Variants in PDE6A observed in about 807,000 individuals in gnomAD.
PDE6A encodes phosphodiesterase 6A, also known as rod cGMP-specific 3',5'-cyclic phosphodiesterase subunit alpha.
PDE6A carries 84 observed loss-of-function variants against 106.3 expected under a neutral mutation model. That is an observed-to-expected ratio of 0.79 (90% CI 0.66 to 0.95). The LOEUF is 0.95. Ranked by LOEUF, PDE6A falls within the 40% of genes least tolerant of loss-of-function variation. PDE6A has a pLI of 0.00. For synonymous variants in PDE6A, 394 were observed against 386.6 expected (o/e 1.02, Z -0.23); for missense variants, 1,052 against 1,084.9 (o/e 0.97, Z 0.43).
At position 149,896,714 on chromosome 5, in the gene PDE6A, G is replaced by A; in HGVS notation, c.1470C>T (p.Ile490=). 9.3e-6 allele frequency: 15 copies of A among 1,614,052 alleles called. No homozygotes were observed. The highest frequency in any genetic ancestry group is 1.3e-5 in the Non-Finnish European group (15 of 1,180,010). The change falls in exon 11 of 22, where the codon ATC becomes ATT. Residue 490 remains isoleucine, a synonymous_variant. Transcript: ENST00000255266. The part of the protein sequence containing the change: ...WECEEEELAE[I]LQAELPDADK... ...GTGCTGCCCCGGTTCAGCTCACCAG[G>A]ATCTCAGCCAGCTCCTCTTCCTCAC...
chr5:149,899,291 C>G, intron 9 of PDE6A, 84 bp downstream of exon 9: 1 of 1,383,760 alleles, frequency 7.2e-7, no homozygotes, highest in South Asian at 1.2e-5. Flanking sequence ...GTTGCTGCCC[C>G]ATGTGATAGC....
chr5:149,871,968 G>A (rs1253352245), intron 17 of PDE6A, among the ~76,000 whole-genome samples: 3 of 152,204 alleles, frequency 2.0e-5, no homozygotes, highest in Non-Finnish European at 4.4e-5. Flanking sequence ...AGAGGTGTCA[G>A]GATGGAACAG....
At chr5:149,938,924 G>GT (rs1754256186) in intron 1 of PDE6A, among the ~76,000 whole-genome samples, 1 of 152,090 alleles carries the variant, frequency 6.6e-6, no homozygotes, top group Admixed American at 6.6e-5. Context: ...CATTTCTCAG[G>GT]TTTTTGGAGG....
At chr5:149,865,221 C>CA (rs1188754465) in intron 20 of PDE6A, among the ~76,000 whole-genome samples, 1 of 134,308 alleles carries the variant, frequency 7.4e-6, no homozygotes, top group Non-Finnish European at 1.5e-5. Flanking sequence ...ACCTGGGTGA[C>CA]AGAGTGAGAT....
chr5:149,894,440 C>T (rs1752656300), intron 13 of PDE6A, among the ~76,000 whole-genome samples: 1 of 152,058 alleles, frequency 6.6e-6, no homozygotes, highest in Admixed American at 6.5e-5. Context: ...GCAAACTTTT[C>T]TATTTCAAGG....
chr5:149,943,467 G>A (rs1407495062), intron 1 of PDE6A, among the ~76,000 whole-genome samples: 1 of 152,068 alleles, frequency 6.6e-6, no homozygotes, highest in African/African-American at 2.4e-5. Flanking sequence ...CCCCCACAGT[G>A]CACTACCACA....
intron 13 of PDE6A, 87 bp downstream of exon 13, chr5:149,895,096 C>G: frequency 2.4e-6 from 2 of 822,162 alleles, no homozygotes; most frequent in South Asian, 2.7e-5. Flanking sequence ...GAAAGAAGAA[C>G]AACGCTGTTG....
At chr5:149,864,959 G>C (rs1244431972) in intron 20 of PDE6A, among the ~76,000 whole-genome samples, 1 of 152,186 alleles carries the variant, frequency 6.6e-6, no homozygotes, top group Non-Finnish European at 1.5e-5. Flanking sequence ...CATTCCCTCA[G>C]CTGGGCACCA....
At chr5:149,884,919 A>C in intron 14 of PDE6A, 52 bp from the exon 15 acceptor site, 3 of 1,378,300 alleles carry the variant, frequency 2.2e-6, no homozygotes, top group Non-Finnish European at 3.1e-6. Flanking sequence ...GAAAATTAGG[A>C]CTAAACATCA....
intron 4 of PDE6A, among the ~76,000 whole-genome samples, chr5:149,928,212 T>TATATATATATATAC (rs1207253680): frequency 2.4e-5 from 1 of 41,824 alleles, no homozygotes; most frequent in African/African-American, 2.1e-4. Context: ...GTATGTGCTA[T>TATATATATATATAC]ATATATATAT....
intron 13 of PDE6A, among the ~76,000 whole-genome samples, chr5:149,889,721 C>T (rs1411163336): frequency 6.6e-6 from 1 of 152,008 alleles, no homozygotes; most frequent in East Asian, 2.0e-4. Context: ...GCCTCGGCAA[C>T]ATGGTGAAAT....
chr5:149,881,779 C>T (rs557447027), intron 17 of PDE6A, among the ~76,000 whole-genome samples: 5 of 152,060 alleles, frequency 3.3e-5, no homozygotes, highest in Non-Finnish European at 5.9e-5. Flanking sequence ...TGTGGCTGGA[C>T]GTGGTGGCTC....
At chr5:149,889,073 C>T (rs1752439688) in intron 13 of PDE6A, among the ~76,000 whole-genome samples, 1 of 56,624 alleles carries the variant, frequency 1.8e-5, no homozygotes, top group African/African-American at 1.4e-4. Flanking sequence ...CAGAGTGAGA[C>T]TCTGTCTCAA....
chr5:149,869,523 G>A (rs1238247110), intron 17 of PDE6A, among the ~76,000 whole-genome samples: 7 of 152,188 alleles, frequency 4.6e-5, no homozygotes, highest in Non-Finnish European at 8.8e-5. Flanking sequence ...GGGAGCAAGG[G>A]GGGTGGATTT....
intron 17 of PDE6A, 52 bp from the exon 18 acceptor site, chr5:149,868,210 T>C (rs1253769887): frequency 6.5e-7 from 1 of 1,530,064 alleles, no homozygotes; most frequent in African/African-American, 1.4e-5. Flanking sequence ...AGACTTCATG[T>C]ACTGGTTAAT....
At chr5:149,942,246 A>C (rs1410050695) in intron 1 of PDE6A, among the ~76,000 whole-genome samples, 1 of 151,994 alleles carries the variant, frequency 6.6e-6, no homozygotes, top group East Asian at 1.9e-4. Flanking sequence ...TACAGGTGTG[A>C]GCCATCACAC....
At chr5:149,922,598 C>T (rs1044274154) in intron 4 of PDE6A, among the ~76,000 whole-genome samples, 3 of 152,194 alleles carry the variant, frequency 2.0e-5, no homozygotes, top group Non-Finnish European at 4.4e-5. Flanking sequence ...AGGCATCAGC[C>T]ACCATGCCTG....
chr5:149,884,946 C>A, intron 14 of PDE6A, 79 bp from the exon 15 acceptor site: 1 of 1,119,658 alleles, frequency 8.9e-7, no homozygotes, highest in South Asian at 1.3e-5. Context: ...CTGACTCAGT[C>A]TTCAGCCTTC....
intron 6 of PDE6A, among the ~76,000 whole-genome samples, chr5:149,912,724 T>G (rs1215367573): frequency 6.6e-6 from 1 of 152,098 alleles, no homozygotes; most frequent in Non-Finnish European, 1.5e-5. Context: ...TGAAATAAAT[T>G]TTAGTTGTTT....
Sources: gnomAD v4.1 joint callset for allele counts (sites outside exome capture counted in the v4.1 genomes callset) on GRCh38, gnomAD v4.1.1 for gene constraint, MANE v1.5 for transcripts, NCBI Gene and HGNC (gene_info 2026-07-23, HGNC 2026-07-21) for gene names.